Variants in SDK1 observed in about 807,000 individuals in gnomAD.
The protein encoded by SDK1 is sidekick cell adhesion molecule 1, also known as protein sidekick-1.
A neutral mutation model predicts 245.5 loss-of-function variants in SDK1; 157 were observed. That is an observed-to-expected ratio of 0.64 (90% CI 0.56 to 0.73). The LOEUF is 0.73. Ranked by LOEUF, SDK1 falls within the 30% of genes least tolerant of loss-of-function variation. The pLI, the probability that SDK1 is intolerant of heterozygous loss-of-function variation, is 0.00. For synonymous variants in SDK1, 1,647 were observed against 1,278.5 expected, an observed-to-expected ratio of 1.29 and a Z score of -6.15; for missense variants, 3,583 against 3,002.3, an observed-to-expected ratio of 1.19 and a Z score of -4.52.
intron 7 of SDK1, 162 bp downstream of exon 7, chr7:3,952,082 C>T (rs1780879782): frequency 1.5e-6 from 1 of 645,728 alleles, no homozygotes. Context: ...GCCTTCTTTC[C>T]CAAGAATATA....
intron 35 of SDK1, among the ~76,000 whole-genome samples, chr7:4,200,359 C>T (rs1032564221): frequency 2.0e-5 from 3 of 152,228 alleles, no homozygotes; most frequent in African/African-American, 7.2e-5. Context: ...TGGGATGTAT[C>T]AGTCAGCTGT....
At chr7:3,411,710 C>G (rs985026636) in intron 1 of SDK1, among the ~76,000 whole-genome samples, 2 of 151,868 alleles carry the variant, frequency 1.3e-5, no homozygotes, top group African/African-American at 4.9e-5. Flanking sequence ...TACTAATTCT[C>G]ATTTTTTTTT....
At chr7:3,646,035 T>C (rs1782824451) in intron 4 of SDK1, among the ~76,000 whole-genome samples, 2 of 152,076 alleles carry the variant, frequency 1.3e-5, no homozygotes, top group Admixed American at 1.3e-4. Flanking sequence ...ATTTTTGTCT[T>C]TTTAGTAGAG....
At chr7:4,220,067 C>G in intron 38 of SDK1, 42 bp from the exon 39 acceptor site, 1 of 1,596,510 alleles carries the variant, frequency 6.3e-7, no homozygotes. Flanking sequence ...GTTGCTTCTC[C>G]AGGCTGAACC....
chr7:3,631,652 A>G (rs1451416901), intron 2 of SDK1, among the ~76,000 whole-genome samples: 5 of 152,020 alleles, frequency 3.3e-5, no homozygotes, highest in Non-Finnish European at 7.4e-5. Flanking sequence ...GCTTTTTGGA[A>G]CTCTGTATGG....
At chr7:3,765,038 TAAC>T (rs994846559) in intron 4 of SDK1, among the ~76,000 whole-genome samples, 1 of 152,182 alleles carries the variant, frequency 6.6e-6, no homozygotes, top group Non-Finnish European at 1.5e-5. Flanking sequence ...TGTACATATA[TAAC>T]AACATAAAAC....
intron 5 of SDK1, among the ~76,000 whole-genome samples, chr7:3,924,569 G>T (rs1051878490): frequency 6.6e-6 from 1 of 152,120 alleles, no homozygotes; most frequent in African/African-American, 2.4e-5. Context: ...TTTGGGTCTC[G>T]TACGTTATCA....
chr7:3,718,336 A>G (rs533819963), intron 4 of SDK1, among the ~76,000 whole-genome samples: 13 of 151,944 alleles, frequency 8.6e-5, no homozygotes, highest in South Asian at 2.1e-4. Flanking sequence ...CCCTGTCTCA[A>G]AAAAATAATA....
chr7:4,107,121 A>G (rs1359804213), intron 22 of SDK1, among the ~76,000 whole-genome samples: 1 of 3,324 alleles, frequency 3.0e-4, no homozygotes, highest in Admixed American at 2.9e-3. Context: ...CAGGGTGGGG[A>G]GGGTGGGGAG....
In SDK1 at chr7:4,232,407, C is replaced by CTTTTTTTTTTTTTTT. The variant is rs201396862; in HGVS notation, c.5828-845_5828-844insTTTTTTTTTTTTTTT. Among the ~76,000 whole-genome samples the CTTTTTTTTTTTTTTT allele has an allele frequency of 2.5e-3, 182 of 73,094 alleles. 4 individuals carry two copies. Among genetic ancestry groups the CTTTTTTTTTTTTTTT allele is most frequent in the Non-Finnish European group, 3.0e-3 (117 of 38,604 alleles). The allele number at this position is 73,094 out of a possible 152,430, so 48.0% of individuals were successfully genotyped here. ...TTCTTTTTTTCTTTTCTTTTCTTTT[C>CTTTTTTTTTTTTTTT]TTTCTTTTTTTTTTTTTTTTGTTAT... On this transcript the variant is annotated intron_variant, in intron 40 of 44. Coordinates refer to ENST00000404826, the MANE Select transcript of SDK1 (RefSeq NM_152744.4).
intron 4 of SDK1, among the ~76,000 whole-genome samples, chr7:3,739,543 T>C (rs905404399): frequency 2.0e-5 from 3 of 152,196 alleles, no homozygotes; most frequent in African/African-American, 7.2e-5. Context: ...TGATTCTTTT[T>C]CTGCAGATTA....
rs35979685 is a variant in SDK1 at position 3,375,180 on chromosome 7, CA to C, written c.298+73311del. ...ATAAAGCTAATCTGAAGTTAATTTG[CA>C]AAAAAAAAAAAAAATTGTGCATTGT... On this transcript the variant is annotated intron_variant, in intron 1 of 44. Transcript: ENST00000404826. Among the ~76,000 whole-genome samples, 669 of 142,288 alleles carry C rather than the reference CA, an allele frequency of 4.7e-3. 6 individuals are homozygous for C. Among genetic ancestry groups the C allele is most frequent in the African/African-American group, 0.011 (410 of 37,238 alleles). 93.3% of individuals were successfully genotyped at this position (142,288 alleles called of 152,430 possible).
intron 4 of SDK1, among the ~76,000 whole-genome samples, chr7:3,713,798 A>C (rs1477880625): frequency 1.3e-5 from 2 of 152,226 alleles, no homozygotes; most frequent in African/African-American, 4.8e-5. Flanking sequence ...GTGATTTGCT[A>C]ATGTTAAGGT....
intron 1 of SDK1, among the ~76,000 whole-genome samples, chr7:3,586,923 G>T (rs1170482395): frequency 6.6e-6 from 1 of 152,150 alleles, no homozygotes; most frequent in Admixed American, 6.5e-5. Flanking sequence ...TTCTGTAAGA[G>T]ATTTTTTTGG....
At chr7:3,514,972 G>A (rs1782696030) in intron 1 of SDK1, among the ~76,000 whole-genome samples, 1 of 152,144 alleles carries the variant, frequency 6.6e-6, no homozygotes, top group African/African-American at 2.4e-5. Flanking sequence ...AATCACTTGG[G>A]CCCTTTTCTC....
At chr7:3,743,078 G>A (rs138043535) in intron 4 of SDK1, among the ~76,000 whole-genome samples, 143 of 152,314 alleles carry the variant, frequency 9.4e-4, no homozygotes, top group African/African-American at 3.2e-3. Flanking sequence ...TACGTGTTGT[G>A]TGTCAGGAAA....
chr7:4,152,817 T>G (rs1361586460), intron 30 of SDK1, among the ~76,000 whole-genome samples: 1 of 152,058 alleles, frequency 6.6e-6, no homozygotes, highest in Non-Finnish European at 1.5e-5. Context: ...ACATTAAGAG[T>G]TTAAATGTCT....
At chr7:4,253,055 A>G (rs1346538723) in intron 44 of SDK1, among the ~76,000 whole-genome samples, 2 of 151,852 alleles carry the variant, frequency 1.3e-5, no homozygotes, top group African/African-American at 4.8e-5. Flanking sequence ...AGTTTTGTCA[A>G]TTTTGTTCAT....
chr7:4,261,730 C>CTTA (rs1306222388), intron 44 of SDK1, among the ~76,000 whole-genome samples: 3 of 152,164 alleles, frequency 2.0e-5, no homozygotes, highest in Non-Finnish European at 4.4e-5. Context: ...CTCTTTTACC[C>CTTA]CCTCCCCAGT....
Sources: allele counts gnomAD v4.1 joint callset (sites outside exome capture counted in the v4.1 genomes callset), GRCh38; gene constraint gnomAD v4.1.1; transcripts MANE v1.5; gene names NCBI Gene and HGNC (gene_info 2026-07-23, HGNC 2026-07-21).